ELP2: variants seen among roughly 807,000 people sequenced by gnomAD.
ELP2 encodes the protein elongator acetyltransferase complex subunit 2.
Under a neutral mutation model 119.2 loss-of-function variants are expected in ELP2, and 90 were observed. The ratio of observed to expected loss-of-function variants is 0.75; its 90% CI spans 0.64 to 0.90. ELP2 has a LOEUF of 0.90. Ranked by LOEUF, ELP2 falls within the 40% of genes least tolerant of loss-of-function variation. The probability of loss-of-function intolerance (pLI) is 0.00; values close to 1 mark genes in which losing one functional copy is unlikely to be tolerated. For missense variants in ELP2, 921 were observed against 967.8 expected (o/e 0.95, Z 0.64); for synonymous variants, 339 against 331.0 (o/e 1.02, Z -0.26).
intron 14 of ELP2, 110 bp downstream of exon 14, chr18:36,159,014 T>A: frequency 1.3e-6 from 1 of 761,552 alleles, no homozygotes; most frequent in East Asian, 2.6e-5. Flanking sequence ...TTTTTTTAAA[T>A]CACAGTATAT....
chr18:36,160,612 G>T (rs1377188018), intron 16 of ELP2, among the ~76,000 whole-genome samples: 3 of 150,166 alleles, frequency 2.0e-5, no homozygotes, highest in Non-Finnish European at 4.4e-5. Flanking sequence ...TTTGTTGTTA[G>T]TCATGGTCTT....
At chr18:36,164,337 G>A (rs1487131391) in intron 17 of ELP2, 138 bp from the exon 18 acceptor site, 1 of 740,596 alleles carries the variant, frequency 1.4e-6, no homozygotes, top group Non-Finnish European at 2.3e-6. Context: ...GTTGTAGTAT[G>A]TTATCTCCTA....
rs2090326390 is a variant in ELP2, at chr18:36,149,492, T to TTTG, written c.1125+3113_1125+3114insGTT. 6.8e-5 allele frequency among the ~76,000 whole-genome samples: 10 copies of TTTG among 147,130 alleles called. 1 individual carries two copies. The highest frequency in any genetic ancestry group is 4.4e-4 in the South Asian group (2 of 4,514). Reference sequence around the variant, plus strand: ...CAGGGTTTTTTGTTTTGTTTTGTTTTTTTTTTTTTTGCTTAGAAATCATCC... The same window carrying TTTG: ...CAGGGTTTTTTGTTTTGTTTTGTTTTTTGTTTTTTTTTTGCTTAGAAATCATCC... On this transcript the variant is annotated intron_variant, in intron 11 of 21. Coordinates refer to ENST00000358232, the MANE Select transcript of ELP2 (RefSeq NM_018255.4).
rs2090191789 is a variant in ELP2 at position 36,146,145 on chromosome 18, GTACATTAAAATAGTGGGAATT to G, written c.993+100_994-82del. The G allele has an allele frequency of 3.2e-6, 5 of 1,573,014 alleles. No individual in the cohort carries two copies. In the Admixed American group the frequency reaches 8.3e-5, roughly 26 times the overall value. On this transcript the variant is annotated intron_variant, in intron 10 of 21. Coordinates refer to ENST00000358232, the MANE Select transcript of ELP2 (RefSeq NM_018255.4). Reference sequence around the variant, plus strand: ...TGATAGACCTGCAAATTTTCACTGTGTACATTAAAATAGTGGGAATTTAACAGTCTCTGGAATCAGCGATTT... The same window carrying G: ...TGATAGACCTGCAAATTTTCACTGTGTAACAGTCTCTGGAATCAGCGATTT...
rs17563617 is a variant in ELP2, at chr18:36,159,827, A to G, written c.1627A>G (p.Thr543Ala). The G allele has an allele frequency of 1.2e-6, 2 of 1,613,418 alleles. No homozygotes were observed. Among genetic ancestry groups the G allele is most frequent in the East Asian group, 2.2e-5 (1 of 44,862 alleles). ...QQVAFQPSILTEPPTEDHLLQ... is the reference protein window; with the variant it reads ...QQVAFQPSILAEPPTEDHLLQ... Reference sequence around the variant, plus strand: ...GGTGGCCTTTCAGCCCTCCATACTTACTGGTAAGATGTGACAAAGACAATT... The same window carrying G: ...GGTGGCCTTTCAGCCCTCCATACTTGCTGGTAAGATGTGACAAAGACAATT... Residue 543 changes from threonine to alanine, a missense_variant, in exon 15 of 22, where the codon ACT becomes GCT. Physicochemically the swap from Thr to Ala is moderately conservative, Grantham distance 58. Coordinates refer to ENST00000358232, the MANE Select transcript of ELP2 (RefSeq NM_018255.4).
chr18:36,166,164 G>A (rs1048175098), intron 18 of ELP2, among the ~76,000 whole-genome samples: 1 of 151,380 alleles, frequency 6.6e-6, no homozygotes, highest in Non-Finnish European at 1.5e-5. Context: ...CGGCACTCCA[G>A]CCAGGGCATT....
At chr18:36,148,184 C>T (rs2090275270) in intron 11 of ELP2, among the ~76,000 whole-genome samples, 1 of 151,424 alleles carries the variant, frequency 6.6e-6, no homozygotes, top group African/African-American at 2.4e-5. Flanking sequence ...AGCTCCGCCT[C>T]CCGAGTTCAC....
chr18:36,138,911 A>G (rs372307158), intron 5 of ELP2, 39 bp downstream of exon 5: 2 of 1,409,474 alleles, frequency 1.4e-6, no homozygotes, highest in African/African-American at 1.4e-5. Flanking sequence ...AGGGCAGTAT[A>G]TTTGCATACT....
At chr18:36,147,121 T>C (rs570227302) in intron 11 of ELP2, among the ~76,000 whole-genome samples, 2 of 147,482 alleles carry the variant, frequency 1.4e-5, no homozygotes, top group African/African-American at 5.0e-5. Flanking sequence ...AGGATCTTAC[T>C]CTGTCATCCA....
Position 36,171,058 on chromosome 18 carries a change from C to T in ELP2, c.2222C>T (p.Ala741Val), listed in dbSNP as rs55806818. Residue 741 changes from alanine (A) to valine (V), a missense_variant, in exon 21 of 22, where the codon GCA (alanine) becomes GTA (valine). By Grantham distance (64) the Ala-to-Val change is moderately conservative (BLOSUM62 0). Coordinates refer to ENST00000358232, the MANE Select transcript of ELP2 (RefSeq NM_018255.4). Reference sequence around the variant, plus strand: ...TCCCTTAAAAACAGATACGTGGTTGCAGTAGGATTGGAGTGTGGAAAGATT... The same window carrying T: ...TCCCTTAAAAACAGATACGTGGTTGTAGTAGGATTGGAGTGTGGAAAGATT... ...VLHPSQRYVV[A>V]VGLECGKICL... 26 of 1,611,766 alleles carry T rather than the reference C, an allele frequency of 1.6e-5. No homozygotes were observed. The highest frequency in any genetic ancestry group is 2.0e-5 in the Non-Finnish European group (24 of 1,177,858).
chr18:36,159,658 TG>T, intron 14 of ELP2, 76 bp from the exon 15 acceptor site: 1 of 1,049,142 alleles, frequency 9.5e-7, no homozygotes, highest in Non-Finnish European at 1.5e-6. Context: ...GCTTTCTATG[TG>T]GTGGCCTTAA....
At chr18:36,140,373 G>A (rs2089978319) in intron 5 of ELP2, among the ~76,000 whole-genome samples, 1 of 152,056 alleles carries the variant, frequency 6.6e-6, no homozygotes, top group South Asian at 2.1e-4. Flanking sequence ...GGGGGATGGA[G>A]TCTCGCTCCG....
Position 36,146,249 on chromosome 18 carries a change from G to T in ELP2, c.994-1G>T, listed in dbSNP as rs1163265949. The T allele has an allele frequency of 6.2e-7, 1 of 1,614,068 alleles. No homozygotes were observed. The highest frequency in any genetic ancestry group is 1.3e-5 in the African/African-American group (1 of 75,032). On this transcript the variant is annotated splice_acceptor_variant, in intron 10 of 21. Transcript: ENST00000358232. LOFTEE classifies it high-confidence loss of function. Reference sequence around the variant, plus strand: ...ATTGTTTTCTGTCTGTTATTGTACAGGTTCGAGTAGGTGAAGTAGGTGGGA... The same window carrying T: ...ATTGTTTTCTGTCTGTTATTGTACATGTTCGAGTAGGTGAAGTAGGTGGGA...
At chr18:36,157,822 C>A (rs1025716884) in intron 13 of ELP2, among the ~76,000 whole-genome samples, 1 of 152,040 alleles carries the variant, frequency 6.6e-6, no homozygotes, top group Non-Finnish European at 1.5e-5. Flanking sequence ...AAAGGGAAGC[C>A]TTAATTGTGG....
intron 11 of ELP2, among the ~76,000 whole-genome samples, chr18:36,148,343 A>G (rs1231196197): frequency 1.3e-5 from 2 of 152,126 alleles, no homozygotes; most frequent in African/African-American, 4.8e-5. Context: ...GAGTGCTGAG[A>G]TTACAGGTGT....
At chr18:36,143,342 G>T (rs551462643) in intron 8 of ELP2, among the ~76,000 whole-genome samples, 1 of 151,068 alleles carries the variant, frequency 6.6e-6, no homozygotes, top group Non-Finnish European at 1.5e-5. Context: ...GGCTGGTCTC[G>T]AACTCCTGAC....
chr18:36,164,337 G>C, intron 17 of ELP2, 138 bp from the exon 18 acceptor site: 2 of 740,714 alleles, frequency 2.7e-6, no homozygotes, highest in Non-Finnish European at 4.6e-6. Context: ...GTTGTAGTAT[G>C]TTATCTCCTA....
At position 36,171,036 on chromosome 18, in the gene ELP2, C is replaced by A; in HGVS notation, c.2211-11C>A. On this transcript the variant is annotated splice_polypyrimidine_tract_variant and intron_variant, in intron 20 of 21. Transcript: ENST00000358232. The stretch of plus-strand genomic sequence containing the variant: ...AAGTTAATCACTGTTGTCCCCCTCC[C>A]TTAAAAACAGATACGTGGTTGCAGT... The A allele has an allele frequency of 6.3e-7, 1 of 1,583,814 alleles. No individual in the cohort carries two copies. The highest frequency in any genetic ancestry group is 8.7e-7 in the Non-Finnish European group (1 of 1,152,504).
chr18:36,134,164 A>G (rs1169617412), intron 2 of ELP2, among the ~76,000 whole-genome samples: 1 of 152,078 alleles, frequency 6.6e-6, no homozygotes, highest in African/African-American at 2.4e-5. Flanking sequence ...TTGCATCTCT[A>G]TTGACCCTAG....
Sources: allele counts gnomAD v4.1 joint callset (sites outside exome capture counted in the v4.1 genomes callset), GRCh38; gene constraint gnomAD v4.1.1; transcripts MANE v1.5; gene names NCBI Gene and HGNC (gene_info 2026-07-23, HGNC 2026-07-21).